Variants in EVC observed in about 807,000 individuals in gnomAD.
The protein encoded by EVC is evC complex member EVC.
Under a neutral mutation model 118.9 loss-of-function variants are expected in EVC, and 116 were observed. The ratio of observed to expected loss-of-function variants is 0.98; its 90% CI spans 0.84 to 1.14. EVC has a LOEUF of 1.14. Among genes scored for constraint, EVC ranks in the 50% most tolerant of loss-of-function variants. The probability of loss-of-function intolerance (pLI) is 0.00; values close to 1 mark genes in which losing one functional copy is unlikely to be tolerated. For synonymous variants in EVC, 619 were observed against 534.7 expected (o/e 1.16, Z -2.18); for missense variants, 1,401 against 1,246.4 (o/e 1.12, Z -1.87).
intron 11 of EVC, 97 bp from the exon 12 acceptor site, chr4:5,783,455 C>G: frequency 1.7e-6 from 2 of 1,178,698 alleles, no homozygotes; most frequent in South Asian, 2.5e-5. Flanking sequence ...CTCCTTGTGT[C>G]TTGTGGGAGG....
chr4:5,786,361 T>C (rs1341365388), intron 12 of EVC, among the ~76,000 whole-genome samples: 1 of 152,220 alleles, frequency 6.6e-6, no homozygotes, highest in Non-Finnish European at 1.5e-5. Flanking sequence ...AAATAGACTA[T>C]GCTCAGCTCT....
chr4:5,770,919 A>T (rs1418765452), intron 11 of EVC, among the ~76,000 whole-genome samples: 1 of 152,036 alleles, frequency 6.6e-6, no homozygotes, highest in Non-Finnish European at 1.5e-5. Flanking sequence ...AGGCTGAGGC[A>T]GGAGAATTGT....
At chr4:5,721,888 C>T (rs1725014708) in intron 2 of EVC, among the ~76,000 whole-genome samples, 1 of 152,018 alleles carries the variant, frequency 6.6e-6, no homozygotes, top group Non-Finnish European at 1.5e-5. Flanking sequence ...ATAAAGTTGA[C>T]TATAGTGATG....
the EVC span, chr4:5,820,670 C>CAA: frequency 8.5e-5 from 13 of 152,216 alleles, no homozygotes; most frequent in African/African-American, 2.4e-4. Context: ...CAGTCTCTAC[C>CAA]AAGAGTGAGT....
At chr4:5,771,454 A>G (rs10008800) in intron 11 of EVC, among the ~76,000 whole-genome samples, 58,896 of 151,986 alleles carry the variant, frequency 0.39, 11,808 homozygotes, top group Middle Eastern at 0.51. Flanking sequence ...TCTTCTTTCC[A>G]TCTCAGGATC....
the EVC span, chr4:5,828,027 T>G: frequency 4.4e-4 from 429 of 985,124 alleles, 2 homozygotes; most frequent in African/African-American, 7.0e-3. Context: ...AAAGGGCGGA[T>G]CTGAAGGAAG....
In EVC at chr4:5,797,186, C is replaced by T; in HGVS notation, c.2051C>T (p.Ser684Phe). The change falls in exon 14 of 21, where the codon TCC (serine) becomes TTC (phenylalanine). Residue 684 changes from serine (S) to phenylalanine (F), a missense_variant. By Grantham distance (155) the Ser-to-Phe change is radical. Coordinates refer to ENST00000264956, the MANE Select transcript of EVC (RefSeq NM_153717.3). Reference sequence around the variant, plus strand: ...GAACAGCGTGCACTGGAGCAGGGGTCCTCCCAGTGCCTGGACGAGCATCAG... The same window carrying T: ...GAACAGCGTGCACTGGAGCAGGGGTTCTCCCAGTGCCTGGACGAGCATCAG... Reference protein sequence around the residue: ...LREQRALEQGSSQCLDEHQWQ... With the variant: ...LREQRALEQGFSQCLDEHQWQ... 1 of 1,613,018 alleles carries T rather than the reference C, an allele frequency of 6.2e-7. No homozygotes were observed. Among genetic ancestry groups the T allele is most frequent in the South Asian group, 1.1e-5 (1 of 91,014 alleles).
rs138060089 is a variant in EVC, at chr4:5,790,125, G to A, written c.1777-3483G>A. 9.9e-5 allele frequency among the ~76,000 whole-genome samples: 14 copies of A among 142,058 alleles called. No homozygotes were observed. The East Asian group carries it at 1.8e-3, about 18-fold the overall frequency. 93.2% of individuals were successfully genotyped at this position (142,058 alleles called of 152,430 possible). ...GAACTCGGGAAGCGGAGGTTGCAGCGAGCTGAGATCATAGCACCTCACTCC... is the reference window on the plus strand; with the variant it reads ...GAACTCGGGAAGCGGAGGTTGCAGCAAGCTGAGATCATAGCACCTCACTCC... On this transcript the variant is annotated intron_variant, in intron 12 of 20. Coordinates refer to ENST00000264956, the MANE Select transcript of EVC (RefSeq NM_153717.3).
At chr4:5,766,901 T>C (rs927223982) in intron 11 of EVC, among the ~76,000 whole-genome samples, 19 of 152,002 alleles carry the variant, frequency 1.2e-4, no homozygotes, top group Admixed American at 9.8e-4. Flanking sequence ...TCTCTCAGCT[T>C]GTCAAAGTCA....
chr4:5,752,833 C>A lies in EVC; in HGVS notation c.1099-3C>A. The A allele has an allele frequency of 6.2e-7, 1 of 1,614,092 alleles. No individual in the cohort carries two copies. The highest frequency in any genetic ancestry group is 8.5e-7 in the Non-Finnish European group (1 of 1,179,936). On this transcript the variant is annotated splice_polypyrimidine_tract_variant and splice_region_variant and intron_variant, in intron 8 of 20. Transcript: ENST00000264956. ...CTATGGTCCTGTGTGTTTCTTTTTG[C>A]AGGACGCCCTGGAGAGGACGATGGG...
intron 8 of EVC, among the ~76,000 whole-genome samples, chr4:5,750,385 A>G (rs1344405677): frequency 6.6e-6 from 1 of 152,340 alleles, no homozygotes; most frequent in East Asian, 1.9e-4. Flanking sequence ...ACTTCCAAAT[A>G]GGAAGAAGGA....
intron 8 of EVC, among the ~76,000 whole-genome samples, chr4:5,752,301 A>G (rs1730501148): frequency 6.6e-6 from 1 of 151,718 alleles, no homozygotes; most frequent in Non-Finnish European, 1.5e-5. Context: ...CCCTGAAATG[A>G]TGAGGTGGGG....
chr4:5,748,357 A>C (rs4688961), intron 8 of EVC, 51 bp downstream of exon 8: 1 of 1,601,140 alleles, frequency 6.2e-7, no homozygotes, highest in Non-Finnish European at 8.5e-7. Context: ...GACTAGAGAT[A>C]TGGAATCCTG....
chr4:5,815,526 T>G (rs1717533467), downstream of EVC, among the ~76,000 whole-genome samples: 2 of 152,058 alleles, frequency 1.3e-5, no homozygotes, highest in African/African-American at 2.4e-5. Context: ...AACGAATCGA[T>G]CCAGAGGCAG....
chr4:5,808,647 A>G (rs1207517110), intron 18 of EVC, among the ~76,000 whole-genome samples: 1 of 152,270 alleles, frequency 6.6e-6, no homozygotes, highest in Non-Finnish European at 1.5e-5. Flanking sequence ...CATGGCCACC[A>G]GGAGGCTTCC....
At chr4:5,751,730 G>A (rs545692446) in intron 8 of EVC, among the ~76,000 whole-genome samples, 91 of 152,188 alleles carry the variant, frequency 6.0e-4, no homozygotes, top group Non-Finnish European at 1.2e-3. Context: ...GGGCAGTGGA[G>A]AACAGAGTAG....
At position 5,753,857 on chromosome 4, in the gene EVC, C is replaced by A; in HGVS notation, c.1388C>A (p.Thr463Lys). 1.2e-6 allele frequency: 2 copies of A among 1,614,074 alleles called. No homozygotes were observed. The highest frequency in any genetic ancestry group is 1.1e-5 in the South Asian group (1 of 91,076). Residue 463 changes from threonine to lysine, a missense_variant, in exon 10 of 21, where the codon ACG becomes AAG. By Grantham distance (78) the Thr-to-Lys change is moderately conservative (BLOSUM62 -1). Transcript: ENST00000264956. The stretch of plus-strand genomic sequence containing the variant: ...CAGGTGGAGGGAACGGCAAAACTCA[C>A]GCTGGCCCAAGAGGAGGAACAGAGA... ...AHQVEGTAKL[T>K]LAQEEEQRSF...
intron 11 of EVC, among the ~76,000 whole-genome samples, chr4:5,776,570 T>C (rs1734748748): frequency 6.6e-6 from 1 of 152,178 alleles, no homozygotes; most frequent in Non-Finnish European, 1.5e-5. Context: ...GGAAATTTCA[T>C]TATCTCTTCA....
At chr4:5,717,137 C>G (rs113993600) in intron 1 of EVC, among the ~76,000 whole-genome samples, 4,899 of 152,250 alleles carry the variant, frequency 0.032, 98 homozygotes, top group African/African-American at 0.041. Flanking sequence ...CTTAGTCTTT[C>G]TCTCTCACTT....
Sources: allele counts gnomAD v4.1 joint callset (sites outside exome capture counted in the v4.1 genomes callset), GRCh38; gene constraint gnomAD v4.1.1; transcripts MANE v1.5; gene names NCBI Gene and HGNC (gene_info 2026-07-23, HGNC 2026-07-21).